The following UMOD variants were observed in gnomAD, a reference collection of about 807,000 sequenced individuals.
The protein encoded by UMOD is uromodulin, also known as Tamm-Horsfall urinary glycoprotein.
A neutral mutation model predicts 66.0 loss-of-function variants in UMOD; 64 were observed. The ratio of observed to expected loss-of-function variants is 0.97; its 90% CI spans 0.79 to 1.19. The LOEUF (loss-of-function observed/expected upper bound fraction) is 1.19. UMOD is among the 50% of genes most tolerant of loss of function. UMOD has a pLI of 0.00. For missense variants in UMOD, 764 were observed against 850.9 expected, an observed-to-expected ratio of 0.90 and a Z score of 1.27; for synonymous variants, 398 against 352.7, an observed-to-expected ratio of 1.13 and a Z score of -1.44.
chr16:20,340,590 C>G (rs561511316), intron 7 of UMOD, among the ~76,000 whole-genome samples: 56 of 151,812 alleles, frequency 3.7e-4, no homozygotes, highest in Non-Finnish European at 5.7e-4. Flanking sequence ...CTAAAAAGTA[C>G]TGATGACTAT....
Position 20,348,567 on chromosome 16 carries a change from C to A in UMOD, c.734G>T (p.Arg245Leu), listed in dbSNP as rs753492646. 3.1e-6 allele frequency: 5 copies of A among 1,596,240 alleles called. No individual in the cohort carries two copies. Among genetic ancestry groups the A allele is most frequent in the Admixed American group, 3.4e-5 (2 of 58,488 alleles). The change falls in exon 3 of 11, where the codon CGC becomes CTC. Residue 245 changes from arginine (R) to leucine (L), a missense_variant. Coordinates refer to ENST00000396138, the MANE Select transcript of UMOD (RefSeq NM_003361.4). Reference sequence around the variant, plus strand: ...GCCGCTCCAGTGCGCGCAGGCCTTGCGGCTCACGATGCCCTCGTCGCTGGA... The same window carrying A: ...GCCGCTCCAGTGCGCGCAGGCCTTGAGGCTCACGATGCCCTCGTCGCTGGA... The part of the protein sequence containing the change: ...HPSSDEGIVS[R>L]KACAHWSGHC...
upstream of UMOD, among the ~76,000 whole-genome samples, chr16:20,355,457 G>T (rs71384447): frequency 0.027 from 3,957 of 148,376 alleles, 79 homozygotes; most frequent in Non-Finnish European, 0.038. Context: ...AGGTTGGAGT[G>T]CAGTGGCTCA....
At chr16:20,353,779 T>C (rs1430285932), upstream of UMOD, among the ~76,000 whole-genome samples, 1 of 152,182 alleles carries the variant, frequency 6.6e-6, no homozygotes, top group Non-Finnish European at 1.5e-5. Context: ...TTTTATACTT[T>C]AAGTTTTAGG....
At chr16:20,351,005 A>T in intron 1 of UMOD, 166 bp from the exon 2 acceptor site, 1 of 557,478 alleles carries the variant, frequency 1.8e-6, no homozygotes, top group East Asian at 4.0e-5. Flanking sequence ...TACCCCTTGT[A>T]CTCCCCCTCC....
At chr16:20,334,586 C>G (rs543313883) in intron 10 of UMOD, among the ~76,000 whole-genome samples, 42 of 152,122 alleles carry the variant, frequency 2.8e-4, no homozygotes, top group Non-Finnish European at 5.7e-4. Context: ...TCTGTGTGCA[C>G]ATATGTACTA....
At chr16:20,340,429 A>G (rs1287014683) in intron 7 of UMOD, among the ~76,000 whole-genome samples, 1 of 148,588 alleles carries the variant, frequency 6.7e-6, no homozygotes, top group Non-Finnish European at 1.5e-5. Context: ...TACAAAATGC[A>G]TTATATCTTT....
At chr16:20,349,300 T>C (rs1355676222) in intron 2 of UMOD, 88 bp from the exon 3 acceptor site, 3 of 1,460,666 alleles carry the variant, frequency 2.1e-6, no homozygotes, top group African/African-American at 1.4e-5. Flanking sequence ...AGGGAACTCA[T>C]TATTTTTAAG....
intron 7 of UMOD, among the ~76,000 whole-genome samples, chr16:20,339,057 G>A (rs903422691): frequency 1.3e-5 from 2 of 152,220 alleles, no homozygotes; most frequent in South Asian, 2.1e-4. Context: ...CATCGTGCCC[G>A]TTATACTCAT....
At chr16:20,336,273 G>A (rs1181332260) in intron 9 of UMOD, among the ~76,000 whole-genome samples, 1 of 152,158 alleles carries the variant, frequency 6.6e-6, no homozygotes, top group East Asian at 1.9e-4. Flanking sequence ...CATGGGAGCA[G>A]GGCCATCTAC....
intron 10 of UMOD, among the ~76,000 whole-genome samples, chr16:20,334,005 G>C (rs1964735857): frequency 7.6e-6 from 1 of 131,660 alleles, no homozygotes; most frequent in South Asian, 2.5e-4. Context: ...CTGCACTCCA[G>C]CCTGGGTGAC....
At chr16:20,336,538 A>G (rs528560366) in intron 9 of UMOD, 108 bp downstream of exon 9, 16 of 1,049,312 alleles carry the variant, frequency 1.5e-5, no homozygotes, top group Non-Finnish European at 2.2e-5. Flanking sequence ...ACTTGCTCCC[A>G]GTTCTTCAGA....
chr16:20,344,254 T>A, intron 5 of UMOD, 82 bp from the exon 6 acceptor site: 1 of 1,381,732 alleles, frequency 7.2e-7, no homozygotes, highest in Non-Finnish European at 1.0e-6. Context: ...CAAAGCTAAA[T>A]CTGCTGGTCT....
chr16:20,347,747 G>GA (rs1045678536), intron 4 of UMOD, among the ~76,000 whole-genome samples: 25 of 152,338 alleles, frequency 1.6e-4, no homozygotes, highest in African/African-American at 5.8e-4. Context: ...ACTGAAGTCT[G>GA]AAAATACTAT....
At chr16:20,339,279 C>T (rs919509254) in intron 7 of UMOD, among the ~76,000 whole-genome samples, 2 of 152,158 alleles carry the variant, frequency 1.3e-5, no homozygotes, top group Non-Finnish European at 2.9e-5. Context: ...TGAGATACCA[C>T]CTTTATGAGC....
chr16:20,348,807 C>T lies in UMOD; in HGVS notation c.494G>A (p.Gly165Asp), dbSNP rs1304095311. 1.3e-6 allele frequency: 2 copies of T among 1,545,298 alleles called. No homozygotes were observed. Among genetic ancestry groups the T allele is most frequent in the Non-Finnish European group, 1.7e-6 (2 of 1,146,476 alleles). The stretch of plus-strand genomic sequence containing the variant: ...CGGATCCGCGCACACGAGCGCGTCG[C>T]CCTCGGGCACGCAGTCCAACCCCGG... ...CGPGLDCVPE[G>D]DALVCADPCQ... is the part of the protein sequence containing the mutation. The change falls in exon 3 of 11, where the codon GGC becomes GAC. Residue 165 changes from glycine to aspartate, a missense_variant. By Grantham distance (94) the Gly-to-Asp change is moderately conservative. Coordinates refer to ENST00000396138, the MANE Select transcript of UMOD (RefSeq NM_003361.4).
At chr16:20,349,667 A>G (rs1965793154) in intron 2 of UMOD, 1 of 1,230,924 alleles carries the variant, frequency 8.1e-7, no homozygotes, top group Admixed American at 3.0e-5. Flanking sequence ...CTTCTTTTAA[A>G]ATAGCCACAT....
At chr16:20,345,955 C>G (rs1446045005) in intron 5 of UMOD, among the ~76,000 whole-genome samples, 171 bp downstream of exon 5, 1 of 152,222 alleles carries the variant, frequency 6.6e-6, no homozygotes, top group Non-Finnish European at 1.5e-5. Context: ...TCATTCAATC[C>G]TCTCAATACA....
chr16:20,334,627 G>A (rs1218845684), intron 10 of UMOD, among the ~76,000 whole-genome samples: 1 of 152,102 alleles, frequency 6.6e-6, no homozygotes, highest in African/African-American at 2.4e-5. Flanking sequence ...GTGTGCATGT[G>A]TACAGCCCTA....
rs766069450 is a variant in UMOD, at chr16:20,350,702, C to G, written c.36G>C (p.Val12=). ...GQPSLTWMLM[V]VVASWFITTA... ...TTGTGATGAACCAAGAGGCCACCACCACCATCAGCATCCAAGTCAGAGATG... is the reference window on the plus strand; with the variant it reads ...TTGTGATGAACCAAGAGGCCACCACGACCATCAGCATCCAAGTCAGAGATG... The change falls in exon 2 of 11, where the codon GTG becomes GTC. Residue 12 remains valine (V), a synonymous_variant. Transcript: ENST00000396138. The G allele has an allele frequency of 4.3e-6, 7 of 1,614,074 alleles. No individual in the cohort carries two copies. The East Asian group carries it at 1.1e-4, about 26-fold the overall frequency.
Sources: gnomAD v4.1 joint callset for allele counts (sites outside exome capture counted in the v4.1 genomes callset) on GRCh38, gnomAD v4.1.1 for gene constraint, MANE v1.5 for transcripts, NCBI Gene and HGNC (gene_info 2026-07-23, HGNC 2026-07-21) for gene names.